The following OR2I1 variants were observed in gnomAD, a reference collection of about 807,000 sequenced individuals.
OR2I1 encodes olfactory receptor family 2 subfamily I member 1 (gene/pseudogene).
chr6:29,553,440 T>C, the OR2I1 span: 2 of 398,718 alleles, frequency 5.0e-6, no homozygotes, highest in Non-Finnish European at 8.8e-6. Context: ...GCTTCACTAC[T>C]AGCGTGGTGC....
the OR2I1 span, chr6:29,553,474 G>T: frequency 2.5e-6 from 1 of 398,738 alleles, no homozygotes; most frequent in Non-Finnish European, 4.4e-6. Context: ...CAACCTGCGC[G>T]GACCAGCGCT....
the OR2I1 span, chr6:29,555,073 C>T: frequency 2.0e-5 from 3 of 152,280 alleles, no homozygotes; most frequent in African/African-American, 7.2e-5. Flanking sequence ...GACCCTAAGG[C>T]AGGTAGGAGA....
At chr6:29,557,152 A>T in the OR2I1 span, 1 of 152,208 alleles carries the variant, frequency 6.6e-6, no homozygotes, top group Non-Finnish European at 1.5e-5. Context: ...GGCAAAAGTT[A>T]AGTCATGCAT....
the OR2I1 span, among the ~76,000 whole-genome samples, chr6:29,552,162 T>G: frequency 6.6e-6 from 1 of 152,202 alleles, no homozygotes; most frequent in African/African-American, 2.4e-5. Flanking sequence ...TTCCTTTTGT[T>G]CCCTGGGGTT....
chr6:29,555,695 T>G, the OR2I1 span: 1,324 of 580,014 alleles, frequency 2.3e-3, 12 homozygotes, highest in African/African-American at 0.017. Flanking sequence ...ACTTAATTAA[T>G]TGTGTTAGAA....
chr6:29,552,919 C>T, the OR2I1 span: 278 of 239,390 alleles, frequency 1.2e-3, no homozygotes, highest in Admixed American at 5.4e-3. Context: ...TTCTTCTGGC[C>T]TCGTCTCCAT....
chr6:29,551,029 A>G, the OR2I1 span, among the ~76,000 whole-genome samples: 9 of 152,288 alleles, frequency 5.9e-5, no homozygotes, highest in East Asian at 1.5e-3. Flanking sequence ...ACACATGCCT[A>G]TGTTTTGGGG....
chr6:29,553,917 C>T, the OR2I1 span: 2 of 398,754 alleles, frequency 5.0e-6, no homozygotes, highest in Non-Finnish European at 8.8e-6. Flanking sequence ...TCAGCGGAGG[C>T]CGGAGGAGGG....
the OR2I1 span, chr6:29,554,144 G>C: frequency 7.5e-6 from 3 of 399,364 alleles, no homozygotes; most frequent in East Asian, 1.1e-4. Context: ...CGGAGTCTGG[G>C]GAGAGGCCAG....
chr6:29,553,373 C>A, the OR2I1 span: 1 of 399,318 alleles, frequency 2.5e-6, no homozygotes, highest in Non-Finnish European at 4.4e-6. Context: ...GTGCGCGACC[C>A]GCGCCTGCAC....
chr6:29,556,536 T>C, the OR2I1 span: 1 of 565,048 alleles, frequency 1.8e-6, no homozygotes. Flanking sequence ...ACAAATAAGA[T>C]AATTTGTCCC....
the OR2I1 span, chr6:29,554,422 G>T: frequency 2.9e-6 from 1 of 341,398 alleles, no homozygotes; most frequent in Non-Finnish European, 5.3e-6. Flanking sequence ...GGAAAATGAT[G>T]GACGTGATGC....
At chr6:29,553,636 T>G in the OR2I1 span, 1 of 398,386 alleles carries the variant, frequency 2.5e-6, no homozygotes, top group Non-Finnish European at 4.4e-6. Context: ...CCCGCGCCTA[T>G]GTCGCACGCT....
At chr6:29,555,869 G>T in the OR2I1 span, 1 of 1,607,580 alleles carries the variant, frequency 6.2e-7, no homozygotes, top group Admixed American at 1.7e-5. Context: ...AACACCCCAT[G>T]CCCAGGGTGG....
At chr6:29,554,426 G>A in the OR2I1 span, 4 of 333,324 alleles carry the variant, frequency 1.2e-5, no homozygotes, top group East Asian at 9.2e-5. Flanking sequence ...AATGATGGAC[G>A]TGATGCTCGC....
chr6:29,555,569 T>C, the OR2I1 span: 3 of 341,950 alleles, frequency 8.8e-6, no homozygotes, highest in Non-Finnish European at 1.6e-5. Flanking sequence ...ATAGGAGTTT[T>C]TGCATAAATA....
At chr6:29,555,830 TA>T in the OR2I1 span, 3 of 1,440,328 alleles carry the variant, frequency 2.1e-6, no homozygotes, top group African/African-American at 2.9e-5. Flanking sequence ...AGTAAGAGAT[TA>T]AAAGAAATAA....
chr6:29,554,483 G>A, the OR2I1 span: 2 of 217,700 alleles, frequency 9.2e-6, no homozygotes, highest in African/African-American at 4.6e-5. Flanking sequence ...AGACCTCTTG[G>A]TCTCTGCAAT....
chr6:29,555,991 G>T, the OR2I1 span: 1 of 1,612,956 alleles, frequency 6.2e-7, no homozygotes, highest in Middle Eastern at 1.6e-4. Context: ...TCACAATCTG[G>T]GTCTCAGGGA....
Sources: gnomAD v4.1 joint callset for allele counts (sites outside exome capture counted in the v4.1 genomes callset) on GRCh38, gnomAD v4.1.1 for gene constraint, MANE v1.5 for transcripts, NCBI Gene and HGNC (gene_info 2026-07-23, HGNC 2026-07-21) for gene names.